The following SMYD3 variants were observed in gnomAD, a reference collection of about 807,000 sequenced individuals.
The protein encoded by SMYD3 is SET and MYND domain containing 3.
In SMYD3, 36 loss-of-function variants were observed where a neutral mutation model predicts 57.7. The ratio of observed to expected loss-of-function variants is 0.62; its 90% confidence interval spans 0.48 to 0.82. The LOEUF is 0.82. Among genes scored for constraint, SMYD3 ranks in the 40% least tolerant of loss-of-function variants. SMYD3 has a pLI of 0.00. For missense variants in SMYD3, 515 were observed against 538.8 expected (o/e 0.96, Z 0.44); for synonymous variants, 211 against 195.0 (o/e 1.08, Z -0.68).
At chr1:245,811,263 T>C (rs1391537128) in intron 10 of SMYD3, among the ~76,000 whole-genome samples, 2 of 152,210 alleles carry the variant, frequency 1.3e-5, no homozygotes. Context: ...ATTTAAACAG[T>C]AGTTATCTCT....
rs182611313 is a variant in SMYD3 at position 246,272,724 on chromosome 1, G to C, written c.531+54477C>G. Reference sequence around the variant, plus strand: ...AAAATTTTTACATCAGTGTTCATAAGGGATACTGGTTTGTAGTTTTCTTTT... The same window carrying C: ...AAAATTTTTACATCAGTGTTCATAACGGATACTGGTTTGTAGTTTTCTTTT... On this transcript the variant is annotated intron_variant, in intron 5 of 11. Transcript: ENST00000490107. 2.6e-5 allele frequency among the ~76,000 whole-genome samples: 4 copies of C among 152,276 alleles called. No homozygotes were observed. In the East Asian group the frequency reaches 7.7e-4, roughly 29 times the overall value.
intron 5 of SMYD3, among the ~76,000 whole-genome samples, chr1:246,038,755 C>G (rs1298784398): frequency 6.6e-6 from 1 of 152,148 alleles, no homozygotes; most frequent in Non-Finnish European, 1.5e-5. Context: ...CCACTTCATA[C>G]TCATTCTTCT....
At chr1:245,825,095 G>A (rs1465007173) in intron 10 of SMYD3, among the ~76,000 whole-genome samples, 2 of 152,086 alleles carry the variant, frequency 1.3e-5, no homozygotes, top group Admixed American at 6.5e-5. Flanking sequence ...AGGAATGGAC[G>A]TGTTACTCTC....
intron 5 of SMYD3, among the ~76,000 whole-genome samples, chr1:246,234,620 G>GAATATATACCATGTAGGGGA (rs1558336784): frequency 6.6e-6 from 1 of 152,192 alleles, no homozygotes; most frequent in East Asian, 1.9e-4. Context: ...ACACTGTGAT[G>GAATATATACCATGTAGGGGA]GCTATTGGCC....
chr1:246,454,700 A>G (rs1184558545), intron 1 of SMYD3, among the ~76,000 whole-genome samples: 2 of 152,220 alleles, frequency 1.3e-5, no homozygotes, highest in Admixed American at 6.5e-5. Flanking sequence ...AATTTCAGTA[A>G]CCAGAGTTAA....
chr1:246,327,139 C>A, intron 5 of SMYD3, 62 bp downstream of exon 5: 1 of 1,602,556 alleles, frequency 6.2e-7, no homozygotes, highest in Non-Finnish European at 8.5e-7. Context: ...TTGTAACTAA[C>A]AACAAAATAA....
intron 10 of SMYD3, among the ~76,000 whole-genome samples, chr1:245,849,734 C>A (rs1001900795): frequency 5.9e-5 from 9 of 152,130 alleles, no homozygotes; most frequent in Admixed American, 1.3e-4. Flanking sequence ...CTCACTGCAG[C>A]CTTGACCTCC....
intron 10 of SMYD3, among the ~76,000 whole-genome samples, chr1:245,846,354 G>A (rs1249248087): frequency 1.3e-5 from 2 of 152,152 alleles, no homozygotes; most frequent in Admixed American, 1.3e-4. Flanking sequence ...GTGGATTTCT[G>A]TTACTTGTAT....
chr1:246,350,114 G>A (rs995250730), intron 2 of SMYD3, among the ~76,000 whole-genome samples: 1 of 152,148 alleles, frequency 6.6e-6, no homozygotes, highest in African/African-American at 2.4e-5. Flanking sequence ...AAAGCAGAAA[G>A]AGCTACATTA....
rs2066092956 is a variant in SMYD3, at chr1:246,365,872, G to A, written c.165-10778C>T. On this transcript the variant is annotated intron_variant, in intron 1 of 11. Transcript: ENST00000490107. ...CAATCTGAGAACCGCAGCCAAAACT[G>A]GGAGAGGGTTCTTTCTTTAGCAAAC... Among the ~76,000 whole-genome samples the A allele has an allele frequency of 3.3e-5, 5 of 152,258 alleles. No individual in the cohort carries two copies. In the South Asian group the frequency reaches 1.0e-3, roughly 32 times the overall value.
intron 10 of SMYD3, among the ~76,000 whole-genome samples, chr1:245,807,039 G>C (rs2048215104): frequency 6.6e-6 from 1 of 151,970 alleles, no homozygotes; most frequent in South Asian, 2.1e-4. Flanking sequence ...GTGTCTTCTG[G>C]GACCAGTCAA....
At chr1:246,090,743 C>G (rs1304790295) in intron 5 of SMYD3, among the ~76,000 whole-genome samples, 3 of 151,998 alleles carry the variant, frequency 2.0e-5, no homozygotes, top group Non-Finnish European at 4.4e-5. Flanking sequence ...GTCTCGAACT[C>G]CTGACCTCAG....
rs192939594 is a variant in SMYD3, at chr1:246,425,491, C to T, written c.165-70397G>A. 4.6e-3 allele frequency among the ~76,000 whole-genome samples: 695 copies of T among 152,260 alleles called. 9 individuals are homozygous for T. The highest frequency in any genetic ancestry group is 0.016 in the African/African-American group (650 of 41,548). On this transcript the variant is annotated intron_variant, in intron 1 of 11. Transcript: ENST00000490107. ...TAAGGCTTTCTACAGTAAGCCACAG[C>T]CACTCTCTGCCTGAGAGTGTTCACT... is the stretch of plus-strand genomic sequence containing the variant.
chr1:246,487,538 C>T (rs1181349499), intron 1 of SMYD3, among the ~76,000 whole-genome samples: 1 of 151,880 alleles, frequency 6.6e-6, no homozygotes, highest in African/African-American at 2.4e-5. Context: ...GAGTGAGCAC[C>T]ACCCTAAACA....
intron 1 of SMYD3, among the ~76,000 whole-genome samples, chr1:246,403,624 G>A (rs1402788077): frequency 6.6e-6 from 1 of 152,022 alleles, no homozygotes; most frequent in Non-Finnish European, 1.5e-5. Flanking sequence ...TATAATCAGT[G>A]GTAAGAACAT....
chr1:245,992,990 G>T (rs982365483), intron 5 of SMYD3, among the ~76,000 whole-genome samples: 7 of 147,926 alleles, frequency 4.7e-5, no homozygotes, highest in African/African-American at 1.7e-4. Context: ...AGTGGTCATG[G>T]ATCAGCTACT....
At chr1:246,408,543 G>T (rs1189843104) in intron 1 of SMYD3, among the ~76,000 whole-genome samples, 2 of 151,990 alleles carry the variant, frequency 1.3e-5, no homozygotes, top group African/African-American at 4.8e-5. Flanking sequence ...CCAGCTTTCT[G>T]GTGAGGGAAT....
intron 8 of SMYD3, among the ~76,000 whole-genome samples, chr1:245,900,080 C>T (rs1468797963): frequency 6.6e-6 from 1 of 152,094 alleles, no homozygotes; most frequent in African/African-American, 2.4e-5. Context: ...ATCTGTTTCT[C>T]CACCCCATCT....
At chr1:246,378,252 A>T (rs140605201) in intron 1 of SMYD3, among the ~76,000 whole-genome samples, 1 of 152,292 alleles carries the variant, frequency 6.6e-6, no homozygotes, top group African/African-American at 2.4e-5. Flanking sequence ...ATTAAAATTT[A>T]GTTGACCACT....
Sources: gnomAD v4.1 joint callset for allele counts (sites outside exome capture counted in the v4.1 genomes callset) on GRCh38, gnomAD v4.1.1 for gene constraint, MANE v1.5 for transcripts, NCBI Gene and HGNC (gene_info 2026-07-23, HGNC 2026-07-21) for gene names.